The following QSOX1 variants were observed in gnomAD, a reference collection of about 807,000 sequenced individuals.
The protein encoded by QSOX1 is sulfhydryl oxidase 1.
In QSOX1, 40 loss-of-function variants were observed where a neutral mutation model predicts 76.1. The observed-to-expected ratio is 0.53, with a 90% CI of 0.41 to 0.68. QSOX1 has a LOEUF of 0.68. Among genes scored for constraint, QSOX1 ranks in the 30% least tolerant of loss-of-function variants. QSOX1 has a pLI of 0.00. For synonymous variants in QSOX1, 392 were observed against 413.1 expected, an observed-to-expected ratio of 0.95 and a Z score of 0.62; for missense variants, 931 against 974.3, an observed-to-expected ratio of 0.96 and a Z score of 0.59.
chr1:180,196,169 A>G lies in QSOX1; in HGVS notation c.1469-93A>G. ...GGGCAGTGGCGAGCCCTTTCTGCAG[A>G]CAAGGAAGCTGGCGTTCTGAGTGGA... On this transcript the variant is annotated intron_variant, in intron 11 of 11. Transcript: ENST00000367602. This position sits in a 1 kb window ranked among gnomAD's most constrained non-coding sequence, Gnocchi z 4.1. 6.8e-7 allele frequency: 1 copy of G among 1,465,964 alleles called. No homozygotes were observed. Among genetic ancestry groups the G allele is most frequent in the Non-Finnish European group, 9.2e-7 (1 of 1,087,016 alleles). 90.8% of individuals were successfully genotyped at this position (1,465,964 alleles called of 1,614,324 possible). A position where few individuals can be genotyped will look rare whatever the true frequency, so the allele number is the denominator to read the frequency against.
At chr1:180,176,083 C>A in intron 4 of QSOX1, 50 bp downstream of exon 4, 1 of 1,447,592 alleles carries the variant, frequency 6.9e-7, no homozygotes, top group Non-Finnish European at 9.5e-7. Context: ...GGATCCCAGG[C>A]CTGGGAGTGA....
intron 5 of QSOX1, among the ~76,000 whole-genome samples, chr1:180,179,512 A>G (rs917426490): frequency 1.3e-5 from 2 of 152,230 alleles, no homozygotes; most frequent in Admixed American, 6.5e-5. Context: ...GTTTATGTAA[A>G]GGGCCTGGAT....
Position 180,154,939 on chromosome 1 carries a change from C to A in QSOX1, c.32C>A (p.Pro11Gln). The A allele has an allele frequency of 6.8e-7, 1 of 1,480,254 alleles. No homozygotes were observed. The highest frequency in any genetic ancestry group is 1.5e-5 in the African/African-American group (1 of 68,204). 91.7% of individuals were successfully genotyped at this position (1,480,254 alleles called of 1,614,324 possible). The change falls in exon 1 of 12, where the codon CCG becomes CAG. Residue 11 changes from proline (P) to glutamine (Q), a missense_variant. Transcript: ENST00000367602. MRRCNSGSGP[P>Q]PSLLLLLLWL... The stretch of plus-strand genomic sequence containing the variant: ...AGGTGCAACAGCGGCTCCGGGCCGC[C>A]GCCGTCGCTGCTGCTGCTGCTGCTG...
chr1:180,156,279 A>G (rs1662375670), intron 1 of QSOX1, among the ~76,000 whole-genome samples: 1 of 152,172 alleles, frequency 6.6e-6, no homozygotes, highest in African/African-American at 2.4e-5. Context: ...GTATAGTGAT[A>G]GTGATTTGTT....
chr1:180,172,292 A>G (rs535182686), intron 2 of QSOX1, among the ~76,000 whole-genome samples: 36 of 152,274 alleles, frequency 2.4e-4, no homozygotes, highest in African/African-American at 8.7e-4. Context: ...GAAGAGCGTG[A>G]GGCGTGGGAG....
Position 180,197,782 on chromosome 1 carries a change from T to TC in QSOX1, c.*751dup, listed in dbSNP as rs2149244570. On this transcript the variant is annotated 3_prime_UTR_variant, in exon 12 of 12. Coordinates refer to ENST00000367602, the MANE Select transcript of QSOX1 (RefSeq NM_002826.5). ...GCAGGAGAAGATGGCTGCTTTCACT[T>TC]CCCCCCATTGAGCTCTGCTCCCTCT... 1.9e-5 allele frequency: 5 copies of TC among 258,134 alleles called. No homozygotes were observed. The highest frequency in any genetic ancestry group is 1.0e-4 in the East Asian group (1 of 9,882). 16.0% of individuals were successfully genotyped at this position (258,134 alleles called of 1,614,324 possible).
intron 8 of QSOX1, among the ~76,000 whole-genome samples, chr1:180,189,194 G>A (rs1338779059): frequency 6.6e-6 from 1 of 152,142 alleles, no homozygotes; most frequent in Non-Finnish European, 1.5e-5. Flanking sequence ...GCCCTGGCAA[G>A]GGGCACAAGT....
Position 180,197,829 on chromosome 1 carries a change from T to C in QSOX1, c.*792T>C, listed in dbSNP as rs978806516. On this transcript the variant is annotated 3_prime_UTR_variant, in exon 12 of 12. Coordinates refer to ENST00000367602, the MANE Select transcript of QSOX1 (RefSeq NM_002826.5). ...CTCTGAGCCTGGTCTTTTGTCCTTT[T>C]TTATTTTGGTCTCCAAGATGAATGC... is the stretch of plus-strand genomic sequence containing the variant. The C allele has an allele frequency of 7.7e-6, 2 of 258,632 alleles. No individual in the cohort carries two copies. Among genetic ancestry groups the C allele is most frequent in the Admixed American group, 1.0e-4 (2 of 19,926 alleles). 16.0% of individuals were successfully genotyped at this position (258,632 alleles called of 1,614,324 possible).
Position 180,197,289 on chromosome 1 carries a change from C to A in QSOX1, c.*252C>A. ...GCAGCCCCGGGCAGTGGGCATAGGG[C>A]AGCTCAGTCCCTGGCCTCTTAGCAC... On this transcript the variant is annotated 3_prime_UTR_variant, in exon 12 of 12. Transcript: ENST00000367602. 6.2e-7 allele frequency: 1 copy of A among 1,613,612 alleles called. No homozygotes were observed. The highest frequency in any genetic ancestry group is 1.7e-5 in the Admixed American group (1 of 60,012).
intron 8 of QSOX1, among the ~76,000 whole-genome samples, chr1:180,186,519 C>A (rs1418922975): frequency 1.3e-5 from 2 of 152,212 alleles, no homozygotes; most frequent in East Asian, 3.9e-4. Flanking sequence ...TGGCTTCCCA[C>A]CCCTTTCTGT....
At chr1:180,194,437 G>C (rs200072701) in intron 11 of QSOX1, 45 bp downstream of exon 11, 1 of 1,498,856 alleles carries the variant, frequency 6.7e-7, no homozygotes, top group Non-Finnish European at 8.9e-7. Flanking sequence ...TGTGGGGGAC[G>C]AGGGGGTGAG....
At chr1:180,161,849 C>G (rs992516479) in intron 1 of QSOX1, among the ~76,000 whole-genome samples, 3 of 152,108 alleles carry the variant, frequency 2.0e-5, no homozygotes, top group African/African-American at 7.2e-5. Context: ...CATTAGAGTT[C>G]TGGAAATTCT....
At chr1:180,191,020 A>G (rs1663295096) in intron 10 of QSOX1, among the ~76,000 whole-genome samples, 1 of 152,160 alleles carries the variant, frequency 6.6e-6, no homozygotes, top group Non-Finnish European at 1.5e-5. Flanking sequence ...CCACTGAAAA[A>G]CAATTTCCTG....
intron 1 of QSOX1, 43 bp downstream of exon 1, chr1:180,155,215 G>A: frequency 7.0e-7 from 1 of 1,418,996 alleles, no homozygotes; most frequent in Non-Finnish European, 9.2e-7. Flanking sequence ...CCCGCCGCCC[G>A]GACCCCTCCA....
At chr1:180,190,315 C>T (rs564907673) in intron 9 of QSOX1, 118 bp from the exon 10 acceptor site, 11 of 1,172,462 alleles carry the variant, frequency 9.4e-6, no homozygotes, top group East Asian at 2.4e-5. Context: ...ATGCCACCTT[C>T]GAGGTGATAG....
At position 180,197,358 on chromosome 1, in the gene QSOX1, C is replaced by T. The variant is rs1174307174; in HGVS notation, c.*321C>T. 3.1e-6 allele frequency: 5 copies of T among 1,613,872 alleles called. No homozygotes were observed. The highest frequency in any genetic ancestry group is 4.2e-6 in the Non-Finnish European group (5 of 1,180,026). ...CTTATTTGAAGTCCTGCCTCATTCT[C>T]ACTGGAGCCTCAGTCTCTCCTGCTT... On this transcript the variant is annotated 3_prime_UTR_variant, in exon 12 of 12. Transcript: ENST00000367602.
chr1:180,169,021 G>T (rs776703362), intron 2 of QSOX1, among the ~76,000 whole-genome samples: 3 of 152,270 alleles, frequency 2.0e-5, no homozygotes, highest in Admixed American at 6.5e-5. Context: ...TGGCATGTGT[G>T]ACTGTCCTTT....
chr1:180,194,643 C>T (rs916260966), intron 11 of QSOX1, among the ~76,000 whole-genome samples: 1 of 152,222 alleles, frequency 6.6e-6, no homozygotes, highest in African/African-American at 2.4e-5. Flanking sequence ...CCCTCTCTAG[C>T]CTACTGGGGT....
chr1:180,169,831 G>A (rs1246061998), intron 2 of QSOX1, among the ~76,000 whole-genome samples: 2 of 152,232 alleles, frequency 1.3e-5, no homozygotes, highest in Non-Finnish European at 1.5e-5. Flanking sequence ...AGTGAGAGGC[G>A]GCCAGGGATA....
Sources: allele counts gnomAD v4.1 joint callset (sites outside exome capture counted in the v4.1 genomes callset), GRCh38; gene constraint gnomAD v4.1.1; non-coding constraint Gnocchi (gnomAD v3.1); transcripts MANE v1.5; gene names NCBI Gene and HGNC (gene_info 2026-07-23, HGNC 2026-07-21).